PTPRD: variants seen among roughly 807,000 people sequenced by gnomAD.
PTPRD encodes the protein protein tyrosine phosphatase receptor type D.
Under a neutral mutation model 214.5 loss-of-function variants are expected in PTPRD, and 34 were observed. The ratio of observed to expected loss-of-function variants is 0.16; its 90% CI spans 0.12 to 0.21. The LOEUF (loss-of-function observed/expected upper bound fraction) is 0.21, where lower values mean the gene tolerates loss of function less well. Among genes scored for constraint, PTPRD ranks in the 10% least tolerant of loss-of-function variants. The pLI, the probability that PTPRD is intolerant of heterozygous loss-of-function variation, is 1.00. For missense variants in PTPRD, 2,545 were observed against 2,398.7 expected (o/e 1.06, Z -1.27); for synonymous variants, 1,128 against 845.7 (o/e 1.33, Z -5.79).
At chr9:9,568,610 T>C (rs1327540225) in intron 8 of PTPRD, among the ~76,000 whole-genome samples, 2 of 151,964 alleles carry the variant, frequency 1.3e-5, no homozygotes, top group East Asian at 1.9e-4. Flanking sequence ...GAGTCATACA[T>C]GTATGGATTT....
intron 9 of PTPRD, among the ~76,000 whole-genome samples, chr9:9,322,618 C>T (rs778043205): frequency 6.6e-5 from 10 of 152,114 alleles, no homozygotes; most frequent in Non-Finnish European, 1.2e-4. Flanking sequence ...GTCAGGATCT[C>T]GGCCACATGA....
At chr9:8,486,890 C>G (rs1440544700) in intron 27 of PTPRD, among the ~76,000 whole-genome samples, 2 of 152,122 alleles carry the variant, frequency 1.3e-5, no homozygotes, top group Non-Finnish European at 2.9e-5. Context: ...AGAAAACTTT[C>G]CAAGGCTAGC....
intron 5 of PTPRD, among the ~76,000 whole-genome samples, chr9:9,900,687 A>C (rs1012141938): frequency 7.3e-6 from 1 of 137,466 alleles, no homozygotes; most frequent in Non-Finnish European, 1.5e-5. Context: ...GCCAGGCTGG[A>C]ATGCAGTGGC....
intron 12 of PTPRD, among the ~76,000 whole-genome samples, chr9:8,693,307 A>G (rs952187682): frequency 1.3e-5 from 2 of 152,196 alleles, no homozygotes; most frequent in Non-Finnish European, 2.9e-5. Flanking sequence ...GACTTGAAAG[A>G]AACTCCCACA....
At chr9:8,698,859 A>G (rs544805946) in intron 12 of PTPRD, among the ~76,000 whole-genome samples, 1 of 152,258 alleles carries the variant, frequency 6.6e-6, no homozygotes, top group South Asian at 2.1e-4. Context: ...CATGCCCAAT[A>G]AATACCTTCT....
At position 8,404,540 on chromosome 9, in the gene PTPRD, C is replaced by G; in HGVS notation, c.4207G>C (p.Glu1403Gln). ...AGTGATGTCTGCATTTCCTTACCTT[C>G]TATAGCTGATAGGAGAACCCGGGAA... ...DHSRVLLSAIEGIPGSDYVNA... is the reference protein window; with the variant it reads ...DHSRVLLSAIQGIPGSDYVNA... Residue 1403 changes from glutamate to glutamine, a missense_variant, in exon 36 of 46, where the codon GAA becomes CAA. By Grantham distance (29) the Glu-to-Gln change is conservative. Coordinates refer to ENST00000381196, the MANE Select transcript of PTPRD (RefSeq NM_002839.4). 6.2e-7 allele frequency: 1 copy of G among 1,611,830 alleles called. No individual in the cohort carries two copies. Among genetic ancestry groups the G allele is most frequent in the African/African-American group, 1.3e-5 (1 of 75,022 alleles).
intron 7 of PTPRD, among the ~76,000 whole-genome samples, chr9:9,618,284 G>C (rs1353601611): frequency 6.6e-6 from 1 of 151,590 alleles, no homozygotes; most frequent in African/African-American, 2.4e-5. Flanking sequence ...GAAGACAGTA[G>C]TATTATCACA....
At position 8,979,843 on chromosome 9, in the gene PTPRD, C is replaced by T. The variant is rs530690109; in HGVS notation, c.-104+38854G>A. ...AGTATGAACCTTCCTAAACAAATTACAGCAATTCCTCTTTTGGACATATAC... is the reference window on the plus strand; with the variant it reads ...AGTATGAACCTTCCTAAACAAATTATAGCAATTCCTCTTTTGGACATATAC... On this transcript the variant is annotated intron_variant, in intron 11 of 45. Transcript: ENST00000381196. Among the ~76,000 whole-genome samples, 5 of 152,166 alleles carry T rather than the reference C, an allele frequency of 3.3e-5. No homozygotes were observed. In the South Asian group the frequency reaches 1.0e-3, roughly 32 times the overall value.
chr9:10,282,700 G>C (rs1329651113), intron 3 of PTPRD, among the ~76,000 whole-genome samples: 1 of 151,184 alleles, frequency 6.6e-6, no homozygotes, highest in African/African-American at 2.4e-5. Context: ...AAGAAGTACA[G>C]CTTTCACACT....
At position 8,441,835 on chromosome 9, in the gene PTPRD, A is replaced by G. The variant is rs534904627; in HGVS notation, c.3989-5146T>C. On this transcript the variant is annotated intron_variant, in intron 34 of 45. Coordinates refer to ENST00000381196, the MANE Select transcript of PTPRD (RefSeq NM_002839.4). The stretch of plus-strand genomic sequence containing the variant: ...CATCATTATCAGCAGAACTGTAGCT[A>G]CATGAGGAATCTGATCCCATACCCC... 3.9e-5 allele frequency among the ~76,000 whole-genome samples: 6 copies of G among 152,318 alleles called. No homozygotes were observed. In the South Asian group the frequency reaches 1.2e-3, roughly 32 times the overall value.
At chr9:8,631,484 T>C (rs2096249954) in intron 14 of PTPRD, among the ~76,000 whole-genome samples, 1 of 151,796 alleles carries the variant, frequency 6.6e-6, no homozygotes, top group Non-Finnish European at 1.5e-5. Flanking sequence ...TCTAGGGTTG[T>C]GTATCTGGAT....
At chr9:9,180,755 G>T (rs1379717897) in intron 10 of PTPRD, among the ~76,000 whole-genome samples, 2 of 151,984 alleles carry the variant, frequency 1.3e-5, no homozygotes, top group African/African-American at 4.8e-5. Context: ...ATAATTGGAG[G>T]AAAAGACAAT....
intron 2 of PTPRD, among the ~76,000 whole-genome samples, chr9:10,381,990 C>A (rs1316163368): frequency 6.6e-6 from 1 of 151,924 alleles, no homozygotes; most frequent in African/African-American, 2.4e-5. Flanking sequence ...GTTCTACCAT[C>A]TTCCCAGTTC....
At chr9:8,840,193 T>G (rs948636969) in intron 11 of PTPRD, among the ~76,000 whole-genome samples, 1 of 152,184 alleles carries the variant, frequency 6.6e-6, no homozygotes, top group African/African-American at 2.4e-5. Flanking sequence ...TTTGATATGG[T>G]TTGGCTATGT....
intron 35 of PTPRD, among the ~76,000 whole-genome samples, chr9:8,409,769 G>C (rs1353239392): frequency 1.3e-5 from 2 of 151,982 alleles, no homozygotes; most frequent in African/African-American, 4.8e-5. Context: ...ACTCATCAAA[G>C]AGAAACCACA....
chr9:9,846,984 A>AT (rs898315044), intron 5 of PTPRD, among the ~76,000 whole-genome samples: 16 of 152,172 alleles, frequency 1.1e-4, no homozygotes, highest in South Asian at 8.3e-4. Flanking sequence ...TAAAATATAT[A>AT]TTTTTTTGAG....
intron 2 of PTPRD, among the ~76,000 whole-genome samples, chr9:10,574,998 G>A (rs1264881430): frequency 6.6e-6 from 1 of 151,290 alleles, no homozygotes; most frequent in Non-Finnish European, 1.5e-5. Flanking sequence ...AATCAACAAA[G>A]AAAAAAATCA....
chr9:9,720,465 T>G (rs1442570747), intron 7 of PTPRD, among the ~76,000 whole-genome samples: 4 of 152,156 alleles, frequency 2.6e-5, no homozygotes, highest in African/African-American at 9.7e-5. Flanking sequence ...CTTAAGGACA[T>G]GAAGCCGAAA....
At chr9:8,446,826 T>G (rs898939689) in intron 34 of PTPRD, among the ~76,000 whole-genome samples, 1 of 152,166 alleles carries the variant, frequency 6.6e-6, no homozygotes. Context: ...AGAAAACCCT[T>G]GATTCTTCGT....
Sources: gnomAD v4.1 joint callset for allele counts (sites outside exome capture counted in the v4.1 genomes callset) on GRCh38, gnomAD v4.1.1 for gene constraint, MANE v1.5 for transcripts, NCBI Gene and HGNC (gene_info 2026-07-23, HGNC 2026-07-21) for gene names.